The following NEDD4 variants were observed in gnomAD, a reference collection of about 807,000 sequenced individuals.
NEDD4 encodes E3 ubiquitin-protein ligase NEDD4.
Under a neutral mutation model 144.9 loss-of-function variants are expected in NEDD4, and 99 were observed. That is an observed-to-expected ratio of 0.68 (90% CI 0.58 to 0.81). The LOEUF (loss-of-function observed/expected upper bound fraction) is 0.81, where lower values mean the gene tolerates loss of function less well. NEDD4 is among the 30% of genes least tolerant of loss of function. The pLI is 0.00. For missense variants in NEDD4, 985 were observed against 1,065.9 expected (o/e 0.92, Z 1.06); for synonymous variants, 318 against 350.6 (o/e 0.91, Z 1.04).
intron 4 of NEDD4, among the ~76,000 whole-genome samples, chr15:55,927,094 A>G (rs112666660): frequency 0.12 from 17,980 of 146,634 alleles, 1,313 homozygotes; most frequent in East Asian, 0.3. Context: ...AAAAAAAAAA[A>G]AAAAAGAAAG....
intron 5 of NEDD4, among the ~76,000 whole-genome samples, chr15:55,898,576 G>T (rs571822520): frequency 6.6e-6 from 1 of 150,608 alleles, no homozygotes; most frequent in African/African-American, 2.4e-5. Flanking sequence ...TGCCTAGACT[G>T]CCCTATCAGA....
At chr15:55,862,463 C>A (rs1182143748) in intron 9 of NEDD4, among the ~76,000 whole-genome samples, 6 of 152,126 alleles carry the variant, frequency 3.9e-5, no homozygotes, top group Non-Finnish European at 5.9e-5. Flanking sequence ...TGGACATTGA[C>A]CAGACTGTCA....
chr15:55,899,448 T>A (rs1028820194), intron 5 of NEDD4, among the ~76,000 whole-genome samples: 1 of 152,210 alleles, frequency 6.6e-6, no homozygotes, highest in South Asian at 2.1e-4. Flanking sequence ...TACTGAAGAC[T>A]ATAACATATC....
chr15:55,973,222 C>A (rs573158456), intron 1 of NEDD4, among the ~76,000 whole-genome samples: 1 of 152,154 alleles, frequency 6.6e-6, no homozygotes, highest in Non-Finnish European at 1.5e-5. Flanking sequence ...AAGGATAAAC[C>A]ACATGTTAGC....
chr15:55,906,861 T>C (rs2036117295), intron 5 of NEDD4, among the ~76,000 whole-genome samples: 1 of 152,166 alleles, frequency 6.6e-6, no homozygotes, highest in African/African-American at 2.4e-5. Context: ...TTTGGGAGGC[T>C]GAGGCAGGTG....
At chr15:55,933,489 T>G (rs1392350926) in intron 4 of NEDD4, among the ~76,000 whole-genome samples, 1 of 127,070 alleles carries the variant, frequency 7.9e-6, no homozygotes. Context: ...TGAGAACACT[T>G]GGACACGGGA....
intron 5 of NEDD4, among the ~76,000 whole-genome samples, chr15:55,906,549 C>A (rs1370543267): frequency 2.0e-5 from 3 of 151,732 alleles, no homozygotes; most frequent in African/African-American, 7.3e-5. Flanking sequence ...ACCAAACACC[C>A]CATGTTCTCA....
intron 5 of NEDD4, among the ~76,000 whole-genome samples, chr15:55,883,882 C>T (rs1410063402): frequency 7.1e-6 from 1 of 140,952 alleles, no homozygotes; most frequent in Admixed American, 7.0e-5. Context: ...AGTGGCACTT[C>T]TTTTTTTTTT....
chr15:55,860,343 T>C, intron 11 of NEDD4, 64 bp downstream of exon 11: 1 of 1,492,278 alleles, frequency 6.7e-7, no homozygotes, highest in African/African-American at 1.4e-5. Context: ...AAGTTAGTTG[T>C]TGAATAGTAT....
At chr15:55,939,025 C>T (rs1042879763) in intron 4 of NEDD4, among the ~76,000 whole-genome samples, 3 of 152,118 alleles carry the variant, frequency 2.0e-5, no homozygotes, top group Non-Finnish European at 4.4e-5. Flanking sequence ...GCCATCATTT[C>T]AGCCTAGAAG....
At chr15:55,993,352 C>G (rs1381935115) in intron 1 of NEDD4, among the ~76,000 whole-genome samples, 159 bp downstream of exon 1, 2 of 152,154 alleles carry the variant, frequency 1.3e-5, no homozygotes, top group East Asian at 3.9e-4. Flanking sequence ...GAGCCGCCCC[C>G]ACAGTCCCCG....
At chr15:55,974,886 CCTTT>C (rs1167982491) in intron 1 of NEDD4, among the ~76,000 whole-genome samples, 1 of 82,654 alleles carries the variant, frequency 1.2e-5, no homozygotes, top group Non-Finnish European at 2.4e-5. Flanking sequence ...CATTTCTTTT[CCTTT>C]CTTTTTTTTT....
chr15:55,950,229 G>A (rs1038160235), intron 4 of NEDD4, among the ~76,000 whole-genome samples: 4 of 151,994 alleles, frequency 2.6e-5, no homozygotes, highest in Admixed American at 1.3e-4. Context: ...TTTCCAAACC[G>A]ATTTAAAAGG....
rs145384888 is a variant in NEDD4 at position 55,928,276 on chromosome 15, T to C, written c.238-3577A>G. On this transcript the variant is annotated intron_variant, in intron 4 of 28. Transcript: ENST00000435532. ...ATCCACCCACCTCGGCCTCCCAAAGTGCTGGGATTACAGGCGTGAGCCATC... is the reference window on the plus strand; with the variant it reads ...ATCCACCCACCTCGGCCTCCCAAAGCGCTGGGATTACAGGCGTGAGCCATC... Among the ~76,000 whole-genome samples, 512 of 152,338 alleles carry C rather than the reference T, an allele frequency of 3.4e-3. 2 individuals are homozygous for C. The highest frequency in any genetic ancestry group is 0.012 in the African/African-American group (491 of 41,586).
intron 6 of NEDD4, 77 bp from the exon 7 acceptor site, chr15:55,872,553 A>G: frequency 1.9e-6 from 1 of 538,504 alleles, no homozygotes; most frequent in Non-Finnish European, 3.0e-6. Flanking sequence ...CTCATGAACT[A>G]TCACCTAAGG....
chr15:55,888,368 A>G (rs2035460405), intron 5 of NEDD4, among the ~76,000 whole-genome samples: 1 of 152,208 alleles, frequency 6.6e-6, no homozygotes, highest in Admixed American at 6.5e-5. Context: ...TCAAGAAGGC[A>G]ATCCTATTTA....
intron 11 of NEDD4, among the ~76,000 whole-genome samples, chr15:55,858,630 G>C (rs1231274249): frequency 6.6e-6 from 1 of 152,134 alleles, no homozygotes; most frequent in Non-Finnish European, 1.5e-5. Flanking sequence ...GTCTTTGACT[G>C]ACCTGTCCCA....
chr15:55,985,631 C>T (rs1164186431), intron 1 of NEDD4, among the ~76,000 whole-genome samples: 3 of 151,992 alleles, frequency 2.0e-5, no homozygotes, highest in Non-Finnish European at 4.4e-5. Context: ...TATAAAGGAA[C>T]TCAGGTATTA....
chr15:55,952,335 AAAAATAAAAT>A (rs373109599), intron 2 of NEDD4, among the ~76,000 whole-genome samples: 1 of 152,098 alleles, frequency 6.6e-6, no homozygotes, highest in Admixed American at 6.6e-5. Context: ...CTCCGTCTCA[AAAAATAAAAT>A]AAAATAAAAT....
Sources: allele counts gnomAD v4.1 joint callset (sites outside exome capture counted in the v4.1 genomes callset), GRCh38; gene constraint gnomAD v4.1.1; transcripts MANE v1.5; gene names NCBI Gene and HGNC (gene_info 2026-07-23, HGNC 2026-07-21).